Variants in PAFAH1B1 observed in about 807,000 individuals in gnomAD.
PAFAH1B1 encodes platelet activating factor acetylhydrolase 1b regulatory subunit 1, also known as platelet-activating factor acetylhydrolase IB subunit beta.
PAFAH1B1 carries 2 observed loss-of-function variants against 57.5 expected under a neutral mutation model. The ratio of observed to expected loss-of-function variants is 0.03; its 90% CI spans 0.01 to 0.11. PAFAH1B1 has a LOEUF of 0.11. Among genes scored for constraint, PAFAH1B1 ranks in the 10% least tolerant of loss-of-function variants. PAFAH1B1 has a pLI of 1.00. For missense variants in PAFAH1B1, 257 were observed against 512.0 expected (o/e 0.50, Z 4.81); for synonymous variants, 152 against 169.6 (o/e 0.90, Z 0.81).
intron 1 of PAFAH1B1, chr17:2,613,828 G>A: frequency 3.7e-6 from 1 of 267,002 alleles, no homozygotes; most frequent in Non-Finnish European, 7.6e-6. Flanking sequence ...ACTCGGGCAG[G>A]GGCAGGAATC....
chr17:2,670,339 G>T lies in PAFAH1B1; in HGVS notation c.568+8G>T, dbSNP rs746076254. 4.4e-6 allele frequency: 7 copies of T among 1,608,826 alleles called. No individual in the cohort carries two copies. In the Admixed American group the frequency reaches 8.3e-5, roughly 19 times the overall value. Reference sequence around the variant, plus strand: ...GCATCAGAACCATGCACGGTAAGGGGTAGAGGATAGTGCTTTAACAGTAAT... The same window carrying T: ...GCATCAGAACCATGCACGGTAAGGGTTAGAGGATAGTGCTTTAACAGTAAT... On this transcript the variant is annotated splice_region_variant and intron_variant, in intron 6 of 10. Coordinates refer to ENST00000397195, the MANE Select transcript of PAFAH1B1 (RefSeq NM_000430.4).
Position 2,638,277 on chromosome 17 carries a change from A to G in PAFAH1B1, c.-12A>G. On this transcript the variant is annotated 5_prime_UTR_variant, in exon 2 of 11. Transcript: ENST00000397195. Reference sequence around the variant, plus strand: ...TACCACTATATCAGATAAGCTTGACATTACAGCCAAGATGGTGCTGTCCCA... The same window carrying G: ...TACCACTATATCAGATAAGCTTGACGTTACAGCCAAGATGGTGCTGTCCCA... 1.9e-6 allele frequency: 3 copies of G among 1,611,122 alleles called. No homozygotes were observed. The highest frequency in any genetic ancestry group is 2.2e-5 in the South Asian group (2 of 90,964).
At chr17:2,609,689 T>G (rs2151613883) in intron 1 of PAFAH1B1, 1 of 152,198 alleles carries the variant, frequency 6.6e-6, no homozygotes, top group South Asian at 2.1e-4. Context: ...TTTTTGTATT[T>G]TTAGTGGAGA....
In PAFAH1B1 at chr17:2,653,714, ATAATC is replaced by A. The variant is rs780951435; in HGVS notation, c.33-11654_33-11650del. Among the ~76,000 whole-genome samples, 54 of 152,324 alleles carry A rather than the reference ATAATC, an allele frequency of 3.5e-4. 1 individual carries two copies. The East Asian group carries it at 9.4e-3, about 27-fold the overall frequency. On this transcript the variant is annotated intron_variant, in intron 2 of 10. Transcript: ENST00000397195. ...GTAAGGTTGAAATAAGACTATAACT[ATAATC>A]TAAATTTCAGATGGTTATATTTATA...
At chr17:2,619,432 T>C (rs778810880) in intron 1 of PAFAH1B1, among the ~76,000 whole-genome samples, 12 of 152,142 alleles carry the variant, frequency 7.9e-5, no homozygotes, top group Non-Finnish European at 1.3e-4. Context: ...TGGGTTTCAC[T>C]GTGTTGCCCA....
intron 1 of PAFAH1B1, among the ~76,000 whole-genome samples, chr17:2,621,056 AAT>A (rs1195300609): frequency 6.6e-6 from 1 of 152,250 alleles, no homozygotes; most frequent in Non-Finnish European, 1.5e-5. Flanking sequence ...CTGTGATATG[AAT>A]AGTCATACAT....
intron 2 of PAFAH1B1, among the ~76,000 whole-genome samples, chr17:2,662,807 C>T (rs1428681350): frequency 6.6e-6 from 1 of 152,092 alleles, no homozygotes; most frequent in African/African-American, 2.4e-5. Context: ...GGTGAAGATT[C>T]CATCCTTAAT....
intron 2 of PAFAH1B1, chr17:2,659,494 C>A: frequency 5.7e-6 from 1 of 174,076 alleles, no homozygotes; most frequent in South Asian, 7.4e-5. Flanking sequence ...GCATTCCAGC[C>A]TGGCGACAGA....
At chr17:2,636,951 G>T (rs1311304874) in intron 1 of PAFAH1B1, among the ~76,000 whole-genome samples, 1 of 151,960 alleles carries the variant, frequency 6.6e-6, no homozygotes, top group South Asian at 2.1e-4. Context: ...GAACTCCTGG[G>T]CTCAAGTGAT....
At chr17:2,655,997 C>T (rs1211420914) in intron 2 of PAFAH1B1, among the ~76,000 whole-genome samples, 1 of 152,074 alleles carries the variant, frequency 6.6e-6, no homozygotes, top group Non-Finnish European at 1.5e-5. Context: ...GATCTCGGCT[C>T]ACTGCAACCT....
At chr17:2,636,459 T>A (rs2068625805) in intron 1 of PAFAH1B1, among the ~76,000 whole-genome samples, 1 of 151,956 alleles carries the variant, frequency 6.6e-6, no homozygotes, top group African/African-American at 2.4e-5. Flanking sequence ...CGTTTTTCGT[T>A]TGTTTGTTTT....
intron 2 of PAFAH1B1, among the ~76,000 whole-genome samples, chr17:2,653,257 C>G (rs1053790372): frequency 4.6e-5 from 7 of 152,004 alleles, no homozygotes; most frequent in Non-Finnish European, 1.0e-4. Flanking sequence ...ACATCACACA[C>G]CAGGGCCTGT....
At chr17:2,676,012 C>G (rs1336967736) in intron 8 of PAFAH1B1, among the ~76,000 whole-genome samples, 1 of 152,198 alleles carries the variant, frequency 6.6e-6, no homozygotes, top group Non-Finnish European at 1.5e-5. Flanking sequence ...GACTTCTGTT[C>G]TTACATTATC....
chr17:2,670,654 A>G (rs1386513338), intron 6 of PAFAH1B1, among the ~76,000 whole-genome samples: 1 of 152,140 alleles, frequency 6.6e-6, no homozygotes. Flanking sequence ...GGGAAACTGA[A>G]GTCCAGAGAG....
At chr17:2,655,697 C>T (rs975315951) in intron 2 of PAFAH1B1, among the ~76,000 whole-genome samples, 5 of 151,762 alleles carry the variant, frequency 3.3e-5, no homozygotes, top group African/African-American at 4.8e-5. Flanking sequence ...GTAGTTGCTA[C>T]GTGTGACGAC....
chr17:2,666,410 T>C (rs2069107270), intron 4 of PAFAH1B1, among the ~76,000 whole-genome samples: 1 of 152,186 alleles, frequency 6.6e-6, no homozygotes, highest in African/African-American at 2.4e-5. Context: ...AACACTAAAA[T>C]GTGCTCGTAG....
At chr17:2,599,135 T>TAGA (rs1482073909) in intron 1 of PAFAH1B1, among the ~76,000 whole-genome samples, 1 of 152,250 alleles carries the variant, frequency 6.6e-6, no homozygotes, top group Non-Finnish European at 1.5e-5. Context: ...AACGTTTCTC[T>TAGA]AGAACTTTCT....
chr17:2,650,350 G>A (rs2068831521), intron 2 of PAFAH1B1, among the ~76,000 whole-genome samples: 4 of 151,980 alleles, frequency 2.6e-5, no homozygotes, highest in Admixed American at 2.6e-4. Context: ...CATCTCTACT[G>A]AAAATACGAA....
chr17:2,656,782 C>T (rs1163495884), intron 2 of PAFAH1B1, among the ~76,000 whole-genome samples: 1 of 152,124 alleles, frequency 6.6e-6, no homozygotes, highest in African/African-American at 2.4e-5. Context: ...TGTAATCTGC[C>T]TGTATACTTC....
Sources: gnomAD v4.1 joint callset for allele counts (sites outside exome capture counted in the v4.1 genomes callset) on GRCh38, gnomAD v4.1.1 for gene constraint, MANE v1.5 for transcripts, NCBI Gene and HGNC (gene_info 2026-07-23, HGNC 2026-07-21) for gene names.